The following ILDR1 variants were observed in gnomAD, a reference collection of about 807,000 sequenced individuals.
The protein encoded by ILDR1 is immunoglobulin-like domain-containing receptor 1.
A neutral mutation model predicts 62.4 loss-of-function variants in ILDR1; 56 were observed. The ratio of observed to expected loss-of-function variants is 0.90; its 90% CI spans 0.72 to 1.12. The LOEUF (loss-of-function observed/expected upper bound fraction) is 1.12. Ranked by LOEUF, ILDR1 falls within the 50% of genes most tolerant of loss-of-function variation. ILDR1 has a pLI of 0.00. For missense variants in ILDR1, 736 were observed against 710.6 expected, an observed-to-expected ratio of 1.04 and a Z score of -0.41; for synonymous variants, 284 against 277.8, an observed-to-expected ratio of 1.02 and a Z score of -0.22.
At chr3:122,033,630 C>T in the ILDR1 span, among the ~76,000 whole-genome samples, 1 of 152,054 alleles carries the variant, frequency 6.6e-6, no homozygotes, top group Admixed American at 6.6e-5. Flanking sequence ...TATTTTGCCT[C>T]TTACGTTTAG....
chr3:122,045,950 A>T, the ILDR1 span, among the ~76,000 whole-genome samples: 2 of 148,574 alleles, frequency 1.3e-5, no homozygotes, highest in Admixed American at 1.3e-4. Flanking sequence ...TGTGAATTTG[A>T]TCCTGTCATT....
chr3:122,005,206 C>T, intron 3 of ILDR1, 38 bp downstream of exon 3: 1 of 1,282,508 alleles, frequency 7.8e-7, no homozygotes. Flanking sequence ...TGCACCTCCC[C>T]CCACCCCCAG....
At chr3:122,014,967 A>AAC (rs1387193586) in intron 1 of ILDR1, among the ~76,000 whole-genome samples, 2 of 152,226 alleles carry the variant, frequency 1.3e-5, no homozygotes, top group Non-Finnish European at 2.9e-5. Context: ...GCATGACCAG[A>AAC]ACACACACAT....
At chr3:122,008,595 T>TC in intron 1 of ILDR1, among the ~76,000 whole-genome samples, 1 of 25,796 alleles carries the variant, frequency 3.9e-5, no homozygotes, top group African/African-American at 1.3e-4. Context: ...TTTCTTTTCT[T>TC]TTTTTTTTTT....
At chr3:122,055,479 A>T in the ILDR1 span, 1 of 1,613,894 alleles carries the variant, frequency 6.2e-7, no homozygotes, top group African/African-American at 1.3e-5. Flanking sequence ...GTCACAGCAG[A>T]AGCAGCCAAA....
the ILDR1 span, among the ~76,000 whole-genome samples, chr3:122,058,567 G>A: frequency 1.3e-5 from 2 of 152,188 alleles, no homozygotes; most frequent in African/African-American, 4.8e-5. Context: ...TAGACAAATG[G>A]GGTCTAGGTG....
chr3:122,033,076 T>A, the ILDR1 span, among the ~76,000 whole-genome samples: 50 of 152,264 alleles, frequency 3.3e-4, no homozygotes, highest in African/African-American at 9.6e-4. Flanking sequence ...TAGTAGGATA[T>A]GCCAAAGATT....
chr3:122,002,712 C>T (rs955510964), intron 3 of ILDR1, among the ~76,000 whole-genome samples: 1 of 151,978 alleles, frequency 6.6e-6, no homozygotes, highest in Non-Finnish European at 1.5e-5. Context: ...ATCATCCCAT[C>T]ACCTCGGTAT....
the ILDR1 span, among the ~76,000 whole-genome samples, chr3:122,038,795 A>T: frequency 6.6e-5 from 10 of 152,210 alleles, no homozygotes; most frequent in African/African-American, 2.4e-4. Context: ...GACAAAAACT[A>T]TAAGAGAGAA....
At chr3:122,015,450 C>T (rs964749411) in intron 1 of ILDR1, among the ~76,000 whole-genome samples, 2 of 152,126 alleles carry the variant, frequency 1.3e-5, no homozygotes, top group African/African-American at 4.8e-5. Context: ...ATTGTAGTTC[C>T]CATAATCCAT....
intron 3 of ILDR1, among the ~76,000 whole-genome samples, chr3:122,002,324 T>C (rs887075704): frequency 2.0e-5 from 3 of 152,080 alleles, no homozygotes; most frequent in Non-Finnish European, 4.4e-5. Flanking sequence ...CAGAGGTAGG[T>C]TCAAACCCAC....
the ILDR1 span, among the ~76,000 whole-genome samples, chr3:122,041,444 G>A: frequency 6.6e-6 from 1 of 152,092 alleles, no homozygotes; most frequent in Non-Finnish European, 1.5e-5. Context: ...ACTTGTTATT[G>A]GACTTCCCAG....
intron 7 of ILDR1, among the ~76,000 whole-genome samples, chr3:121,991,900 A>G (rs1456097447): frequency 6.6e-6 from 1 of 152,198 alleles, no homozygotes; most frequent in Non-Finnish European, 1.5e-5. Flanking sequence ...GTGACAGACT[A>G]CACTTCTTCT....
chr3:122,021,704 C>T (rs1422274838), intron 1 of ILDR1, among the ~76,000 whole-genome samples: 1 of 152,218 alleles, frequency 6.6e-6, no homozygotes, highest in East Asian at 1.9e-4. Context: ...TTTTAAAGAA[C>T]GGTGCTTTTG....
chr3:122,031,671 A>G, the ILDR1 span, among the ~76,000 whole-genome samples: 1 of 152,270 alleles, frequency 6.6e-6, no homozygotes, highest in South Asian at 2.1e-4. Flanking sequence ...CCATGTAAGA[A>G]CTCAGAGAGA....
chr3:122,006,448 T>A (rs929329982), intron 2 of ILDR1, among the ~76,000 whole-genome samples: 1 of 151,676 alleles, frequency 6.6e-6, no homozygotes, highest in Non-Finnish European at 1.5e-5. Context: ...TAAGGAGGAG[T>A]TGTGTAGCAC....
intron 5 of ILDR1, among the ~76,000 whole-genome samples, chr3:121,996,755 C>T (rs1219903642): frequency 2.0e-5 from 3 of 152,208 alleles, no homozygotes; most frequent in African/African-American, 7.2e-5. Flanking sequence ...TTTGTATTTT[C>T]AACAAGCTCC....
chr3:122,053,356 A>C, the ILDR1 span, among the ~76,000 whole-genome samples: 1 of 152,126 alleles, frequency 6.6e-6, no homozygotes. Flanking sequence ...TATTCTGGAT[A>C]TCAATCCCTA....
chr3:122,033,694 G>T, the ILDR1 span, among the ~76,000 whole-genome samples: 1 of 152,026 alleles, frequency 6.6e-6, no homozygotes, highest in Admixed American at 6.5e-5. Context: ...TTTAATTATT[G>T]TTTCTCTTAT....
Sources: gnomAD v4.1 joint callset for allele counts (sites outside exome capture counted in the v4.1 genomes callset) on GRCh38, gnomAD v4.1.1 for gene constraint, MANE v1.5 for transcripts, NCBI Gene and HGNC (gene_info 2026-07-23, HGNC 2026-07-21) for gene names.